FRMPD4: variants seen among roughly 807,000 people sequenced by gnomAD.
The protein encoded by FRMPD4 is FERM and PDZ domain-containing protein 4.
A neutral mutation model predicts 94.1 loss-of-function variants in FRMPD4; 22 were observed. The observed-to-expected ratio is 0.23, with a 90% confidence interval of 0.17 to 0.33. The LOEUF (loss-of-function observed/expected upper bound fraction) is 0.33. Ranked by LOEUF, FRMPD4 falls within the 10% of genes least tolerant of loss-of-function variation. FRMPD4 has a pLI of 1.00. For missense variants in FRMPD4, 1,111 were observed against 1,339.9 expected, an observed-to-expected ratio of 0.83 and a Z score of 2.67; for synonymous variants, 631 against 548.6, an observed-to-expected ratio of 1.15 and a Z score of -2.10.
At chrX:12,260,640 G>A (rs977440049) in intron 1 of FRMPD4, among the ~76,000 whole-genome samples, 4 of 111,810 alleles carry the variant, frequency 3.6e-5, no homozygotes, top group Non-Finnish European at 3.8e-5. Context: ...GCAGTTCCCC[G>A]TTCACTTATC....
At chrX:12,570,164 G>A (rs181971006) in intron 2 of FRMPD4, among the ~76,000 whole-genome samples, 1 of 111,935 alleles carries the variant, frequency 8.9e-6, no homozygotes, top group Admixed American at 9.4e-5. Flanking sequence ...CTGAAGCAAG[G>A]CTAGAATTGC....
chrX:12,318,867 G>C (rs1238239342), intron 1 of FRMPD4, among the ~76,000 whole-genome samples: 1 of 110,285 alleles, frequency 9.1e-6, no homozygotes, highest in Non-Finnish European at 1.9e-5. Context: ...ACAGCTTTAT[G>C]TATCCATAAA....
intron 2 of FRMPD4, among the ~76,000 whole-genome samples, chrX:12,607,423 CG>C (rs1247187318): frequency 8.9e-6 from 1 of 111,844 alleles, no homozygotes; most frequent in Non-Finnish European, 1.9e-5. Flanking sequence ...GCCAGCATCA[CG>C]GGTGTGTGAC....
chrX:12,162,619 G>T (rs889138103), intron 1 of FRMPD4, among the ~76,000 whole-genome samples: 13 of 111,930 alleles, frequency 1.2e-4, no homozygotes, highest in African/African-American at 3.9e-4. Context: ...GTGCCAGGGA[G>T]TGTTAGTTTA....
At chrX:12,705,847 G>T (rs1037847864) in intron 11 of FRMPD4, among the ~76,000 whole-genome samples, 1 of 112,153 alleles carries the variant, frequency 8.9e-6, no homozygotes, top group Admixed American at 9.5e-5. Flanking sequence ...TGAATAGTTT[G>T]CTTTCAAAAC....
At position 12,636,248 on chromosome X, in the gene FRMPD4, T is replaced by C. The variant is rs906299779; in HGVS notation, c.422+21367T>C. On this transcript the variant is annotated intron_variant, in intron 4 of 16. Transcript: ENST00000675598. ...TATTAAAAGACTCTTTTAATCTATA[T>C]TTTTCCTTTCATCTCTTTTTTATTG... 3.6e-5 allele frequency among the ~76,000 whole-genome samples: 4 copies of C among 112,160 alleles called. No individual in the cohort carries two copies. In the South Asian group the frequency reaches 1.5e-3, roughly 42 times the overall value.
intron 3 of FRMPD4, among the ~76,000 whole-genome samples, chrX:11,892,773 C>T (rs1422059897): frequency 1.8e-5 from 2 of 111,939 alleles, no homozygotes; most frequent in Non-Finnish European, 3.8e-5. Flanking sequence ...CCTATTGTAT[C>T]CTGTGTTTCC....
intron 1 of FRMPD4, among the ~76,000 whole-genome samples, chrX:12,429,402 T>A (rs1296736382): frequency 9.0e-6 from 1 of 111,481 alleles, no homozygotes; most frequent in Non-Finnish European, 1.9e-5. Context: ...TGCCTCACTC[T>A]TTCTCCCACT....
intron 3 of FRMPD4, among the ~76,000 whole-genome samples, chrX:12,055,651 CAT>C (rs1010292628): frequency 5.4e-5 from 6 of 111,823 alleles, no homozygotes; most frequent in Non-Finnish European, 1.1e-4. Context: ...AACAGCCTAA[CAT>C]GTGGCTAGAG....
At chrX:12,326,116 G>A (rs144327931) in intron 1 of FRMPD4, among the ~76,000 whole-genome samples, 2,422 of 112,194 alleles carry the variant, frequency 0.022, 56 homozygotes, top group African/African-American at 0.072. Context: ...ATGAGGGAAT[G>A]GGTGGGATAA....
intron 1 of FRMPD4, among the ~76,000 whole-genome samples, chrX:11,845,550 A>G (rs2053570113): frequency 1.8e-5 from 2 of 108,273 alleles, no homozygotes; most frequent in Admixed American, 1.0e-4. Context: ...TCATCCTGAT[A>G]CCAAAGCCGG....
chrX:11,986,425 C>CAG (rs1342984676), intron 3 of FRMPD4, among the ~76,000 whole-genome samples: 14 of 111,356 alleles, frequency 1.3e-4, no homozygotes, highest in Non-Finnish European at 7.5e-5. Context: ...ACAGCAAAAG[C>CAG]AGTACTAAGA....
chrX:11,849,094 A>G (rs1047869211), intron 1 of FRMPD4, among the ~76,000 whole-genome samples: 2 of 112,028 alleles, frequency 1.8e-5, no homozygotes, highest in African/African-American at 6.5e-5. Context: ...GAACTAATAC[A>G]TGGAGTCAGC....
At chrX:12,541,697 T>C (rs1363897355) in intron 2 of FRMPD4, among the ~76,000 whole-genome samples, 9 of 111,909 alleles carry the variant, frequency 8.0e-5, no homozygotes, top group Non-Finnish European at 1.7e-4. Context: ...CTGAAACTAT[T>C]CCAATCAATA....
At position 12,716,501 on chromosome X, in the gene FRMPD4, T is replaced by C; in HGVS notation, c.2042T>C (p.Met681Thr). ...ACGCTACTAGATGAGGGTCCTGAAATGCTGGAGAAGCAGAGAAATCTCTAC... is the reference window on the plus strand; with the variant it reads ...ACGCTACTAGATGAGGGTCCTGAAACGCTGGAGAAGCAGAGAAATCTCTAC... Reference protein sequence around the residue: ...YETLLDEGPEMLEKQRNLYIG... With the variant: ...YETLLDEGPETLEKQRNLYIG... The change falls in exon 15 of 17, where the codon ATG becomes ACG. Residue 681 changes from methionine (M) to threonine (T), a missense_variant. Coordinates refer to ENST00000675598, the MANE Select transcript of FRMPD4 (RefSeq NM_001368397.1). 8.3e-7 allele frequency: 1 copy of C among 1,210,018 alleles called. No homozygotes were observed. Among genetic ancestry groups the C allele is most frequent in the Non-Finnish European group, 1.1e-6 (1 of 894,509 alleles).
chrX:12,176,005 T>C (rs1829436812), intron 1 of FRMPD4, among the ~76,000 whole-genome samples: 2 of 111,938 alleles, frequency 1.8e-5, no homozygotes, highest in Admixed American at 1.9e-4. Flanking sequence ...CCCTAGAAAA[T>C]AAAGAGCCCT....
intron 1 of FRMPD4, among the ~76,000 whole-genome samples, chrX:12,435,035 G>C (rs143029442): frequency 2.1e-3 from 231 of 111,878 alleles, no homozygotes; most frequent in Non-Finnish European, 3.4e-3. Flanking sequence ...CTTGAACATA[G>C]TATGTTACTA....
chrX:12,264,092 T>G (rs556512074), intron 1 of FRMPD4, among the ~76,000 whole-genome samples: 1 of 111,410 alleles, frequency 9.0e-6, no homozygotes, highest in South Asian at 3.8e-4. Context: ...AGTGAAAGAA[T>G]GAGAAGAGTC....
chrX:12,092,141 T>G (rs2055158361), intron 3 of FRMPD4, among the ~76,000 whole-genome samples: 4 of 112,290 alleles, frequency 3.6e-5, no homozygotes. Flanking sequence ...CCTGGATCTT[T>G]CCATTCTACC....
Sources: allele counts gnomAD v4.1 joint callset (sites outside exome capture counted in the v4.1 genomes callset), GRCh38; gene constraint gnomAD v4.1.1; transcripts MANE v1.5; gene names NCBI Gene and HGNC (gene_info 2026-07-23, HGNC 2026-07-21).